DLG2: variants seen among roughly 807,000 people sequenced by gnomAD.
The protein encoded by DLG2 is discs large MAGUK scaffold protein 2.
Under a neutral mutation model 132.5 loss-of-function variants are expected in DLG2, and 45 were observed. The ratio of observed to expected loss-of-function variants is 0.34; its 90% CI spans 0.27 to 0.44. The LOEUF (loss-of-function observed/expected upper bound fraction) is 0.44, where lower values mean the gene tolerates loss of function less well. Among genes scored for constraint, DLG2 ranks in the 20% least tolerant of loss-of-function variants. DLG2 has a pLI of 1.00. For synonymous variants in DLG2, 424 were observed against 419.6 expected, an observed-to-expected ratio of 1.01 and a Z score of -0.13; for missense variants, 1,045 against 1,196.9, an observed-to-expected ratio of 0.87 and a Z score of 1.87.
intron 3 of DLG2, among the ~76,000 whole-genome samples, chr11:85,317,862 A>G (rs1035716278): frequency 6.6e-6 from 1 of 151,720 alleles, no homozygotes; most frequent in Non-Finnish European, 1.5e-5. Context: ...CCATGACACA[A>G]TTTTACCTAT....
chr11:83,688,600 T>C (rs1309111091), intron 18 of DLG2, among the ~76,000 whole-genome samples: 1 of 152,176 alleles, frequency 6.6e-6, no homozygotes, highest in Non-Finnish European at 1.5e-5. Flanking sequence ...TGTGGCAGTC[T>C]ATTTTTATGA....
In DLG2 at chr11:84,685,524, A is replaced by G. The variant is rs904897565; in HGVS notation, c.358-150793T>C. On this transcript the variant is annotated intron_variant, in intron 6 of 27. Coordinates refer to ENST00000376104, the MANE Select transcript of DLG2 (RefSeq NM_001142699.3). ...AATCAATTCCTTCTAGTCTTCTCAT[A>G]CATATATTACCCATTCTTTTCCTGC... Among the ~76,000 whole-genome samples, 11 of 152,174 alleles carry G rather than the reference A, an allele frequency of 7.2e-5. No individual in the cohort carries two copies. The South Asian group carries it at 1.0e-3, about 14-fold the overall frequency.
At chr11:84,714,665 CTCTCTCTCTG>C (rs2060998925) in intron 6 of DLG2, among the ~76,000 whole-genome samples, 1 of 147,172 alleles carries the variant, frequency 6.8e-6, no homozygotes, top group Non-Finnish European at 1.5e-5. Context: ...CTCTCTCTCT[CTCTCTCTCTG>C]CCTCCCCGCC....
intron 19 of DLG2, among the ~76,000 whole-genome samples, chr11:83,582,634 T>C (rs933434285): frequency 6.6e-6 from 1 of 152,162 alleles, no homozygotes; most frequent in African/African-American, 2.4e-5. Flanking sequence ...AATGGATTGG[T>C]TGTATTTGTG....
At chr11:85,277,952 T>C (rs1305493107) in intron 4 of DLG2, among the ~76,000 whole-genome samples, 1 of 152,174 alleles carries the variant, frequency 6.6e-6, no homozygotes, top group Non-Finnish European at 1.5e-5. Flanking sequence ...TAATGCCATT[T>C]ACTTGCATAA....
intron 18 of DLG2, among the ~76,000 whole-genome samples, chr11:83,713,945 T>A (rs929747545): frequency 3.9e-5 from 6 of 152,160 alleles, no homozygotes; most frequent in Admixed American, 1.3e-4. Context: ...AGGTGGATGA[T>A]TCATCTCTAG....
chr11:83,488,055 T>C (rs150191648), intron 21 of DLG2, among the ~76,000 whole-genome samples: 1 of 152,054 alleles, frequency 6.6e-6, no homozygotes, highest in East Asian at 1.9e-4. Context: ...ATACTGTGAG[T>C]GAATTGTATA....
chr11:83,589,620 GA>G (rs1367934922), intron 19 of DLG2, among the ~76,000 whole-genome samples: 2 of 144,846 alleles, frequency 1.4e-5, no homozygotes, highest in Non-Finnish European at 3.1e-5. Flanking sequence ...ATAATGACAG[GA>G]TCAAATTCAC....
At chr11:84,349,529 T>C (rs1171286089) in intron 7 of DLG2, among the ~76,000 whole-genome samples, 3 of 152,198 alleles carry the variant, frequency 2.0e-5, no homozygotes, top group African/African-American at 7.2e-5. Context: ...CTATGATATA[T>C]CTACATTGTG....
intron 7 of DLG2, among the ~76,000 whole-genome samples, chr11:84,477,721 T>G (rs1010383723): frequency 6.6e-6 from 1 of 152,142 alleles, no homozygotes; most frequent in African/African-American, 2.4e-5. Flanking sequence ...AACTTAAAAG[T>G]GAATTAACTC....
intron 18 of DLG2, among the ~76,000 whole-genome samples, chr11:83,696,683 G>A (rs1471167136): frequency 1.3e-5 from 2 of 152,194 alleles, no homozygotes; most frequent in Non-Finnish European, 2.9e-5. Flanking sequence ...TTCCGAGAGG[G>A]AAATGAGGCA....
chr11:85,585,893 T>C (rs2078936058), intron 3 of DLG2, among the ~76,000 whole-genome samples: 1 of 152,146 alleles, frequency 6.6e-6, no homozygotes, highest in Non-Finnish European at 1.5e-5. Context: ...TTTTTGTATA[T>C]GTTTTTTGTA....
chr11:84,565,779 C>T (rs1044393891), intron 6 of DLG2, among the ~76,000 whole-genome samples: 14 of 151,888 alleles, frequency 9.2e-5, no homozygotes, highest in African/African-American at 3.1e-4. Context: ...GTGAGCTTCC[C>T]CTACAAGCCT....
intron 3 of DLG2, among the ~76,000 whole-genome samples, chr11:85,375,914 G>A (rs1388128757): frequency 1.3e-5 from 2 of 152,164 alleles, no homozygotes; most frequent in African/African-American, 4.8e-5. Context: ...GAGATACAGA[G>A]AGAAGTCTAA....
chr11:84,222,800 C>G (rs1411003229), intron 8 of DLG2, among the ~76,000 whole-genome samples: 2 of 152,140 alleles, frequency 1.3e-5, no homozygotes, highest in Non-Finnish European at 2.9e-5. Flanking sequence ...AACTAATTTA[C>G]TGACTATTAA....
At chr11:83,773,441 T>C (rs930494162) in intron 18 of DLG2, among the ~76,000 whole-genome samples, 2 of 152,256 alleles carry the variant, frequency 1.3e-5, no homozygotes, top group Admixed American at 6.5e-5. Flanking sequence ...TCAAAGCCAC[T>C]ATTAAGATCA....
At chr11:84,554,781 AG>A (rs1466988806) in intron 6 of DLG2, among the ~76,000 whole-genome samples, 1 of 152,176 alleles carries the variant, frequency 6.6e-6, no homozygotes, top group Non-Finnish European at 1.5e-5. Context: ...AATAAAGTCA[AG>A]GAAATAAGAT....
At chr11:84,942,196 A>G (rs1407601162) in intron 6 of DLG2, among the ~76,000 whole-genome samples, 1 of 151,658 alleles carries the variant, frequency 6.6e-6, no homozygotes, top group South Asian at 2.1e-4. Context: ...CTAACTTCTT[A>G]TTTTGTTTAT....
Position 85,519,307 on chromosome 11 carries a change from G to A in DLG2, c.40+79350C>T, listed in dbSNP as rs111249023. Among the ~76,000 whole-genome samples, 215 of 152,290 alleles carry A rather than the reference G, an allele frequency of 1.4e-3. 3 individuals carry two copies. Among genetic ancestry groups the A allele is most frequent in the African/African-American group, 4.9e-3 (203 of 41,572 alleles). On this transcript the variant is annotated intron_variant, in intron 3 of 27. Coordinates refer to ENST00000376104, the MANE Select transcript of DLG2 (RefSeq NM_001142699.3). ...AGGCTGTACCCTGAAAAACCACAGG[G>A]GCAGAGATGCCCAGGACCATAGGAA...
Sources: gnomAD v4.1 joint callset for allele counts (sites outside exome capture counted in the v4.1 genomes callset) on GRCh38, gnomAD v4.1.1 for gene constraint, MANE v1.5 for transcripts, NCBI Gene and HGNC (gene_info 2026-07-23, HGNC 2026-07-21) for gene names.